MCF2L: variants seen among roughly 807,000 people sequenced by gnomAD.
MCF2L encodes guanine nucleotide exchange factor DBS.
A neutral mutation model predicts 153.4 loss-of-function variants in MCF2L; 97 were observed. The observed-to-expected ratio is 0.63, with a 90% CI of 0.54 to 0.75. MCF2L has a LOEUF of 0.75. MCF2L is among the 30% of genes least tolerant of loss of function. The probability of loss-of-function intolerance (pLI) is 0.00; values close to 1 mark genes in which losing one functional copy is unlikely to be tolerated. For synonymous variants in MCF2L, 659 were observed against 632.2 expected (o/e 1.04, Z -0.64); for missense variants, 1,347 against 1,495.2 (o/e 0.90, Z 1.64).
chr13:112,902,167 C>T (rs2081125544), intron 1 of MCF2L: 1 of 1,581,532 alleles, frequency 6.3e-7, no homozygotes. Flanking sequence ...GCAGCATGAC[C>T]TCATCGTGCT....
chr13:113,061,822 CTTTT>C, intron 5 of MCF2L, among the ~76,000 whole-genome samples: 1 of 34,710 alleles, frequency 2.9e-5, no homozygotes, highest in African/African-American at 1.3e-4. Context: ...CCCTTCCCCT[CTTTT>C]CTCTCCCCTC....
In MCF2L at chr13:113,088,575, C is replaced by G. The variant is rs1202781594; in HGVS notation, c.2781C>G (p.His927Gln). Residue 927 changes from histidine to glutamine, a missense_variant, in exon 25 of 30, where the codon CAC (histidine) becomes CAG (glutamine). Physicochemically the swap from His to Gln is conservative, Grantham distance 24. Around this residue, in one of 3 missense-constraint regions of MCF2L, gnomAD observed 383 missense variants for 335.4 expected, o/e 1.14. Coordinates refer to ENST00000535094, the MANE Select transcript of MCF2L (RefSeq NM_001112732.3). Reference protein sequence around the residue: ...QLQACREASQHRALEQSQSLP... With the variant: ...QLQACREASQQRALEQSQSLP... ...CCCTCCTCGCAGAAGCCAGCCAGCA[C>G]CGGGCGCTGGAGCAGTCACAGAGCC... The G allele has an allele frequency of 3.1e-6, 5 of 1,610,690 alleles. No homozygotes were observed. In the African/African-American group the frequency reaches 4.0e-5, roughly 13 times the overall value.
chr13:113,030,493 C>T (rs948432341), intron 3 of MCF2L, among the ~76,000 whole-genome samples: 1 of 137,282 alleles, frequency 7.3e-6, no homozygotes, highest in Non-Finnish European at 1.5e-5. Flanking sequence ...CGCCGACGCC[C>T]GGTGTGGACT....
intron 2 of MCF2L, among the ~76,000 whole-genome samples, chr13:112,916,959 C>G (rs139206015): frequency 2.0e-4 from 30 of 152,274 alleles, no homozygotes; most frequent in Middle Eastern, 3.4e-3. Flanking sequence ...CCTGCACGCT[C>G]TCCCCACACT....
rs1428393335 is a variant in MCF2L, at chr13:112,951,228, A to G, written c.169+48857A>G. ...CGAATGCTGGCAGGGATGTGGATAA[A>G]CTGGGTTACTCCTAAGTTGCTGGTG... On this transcript the variant is annotated intron_variant, in intron 2 of 29. Transcript: ENST00000375608. The surrounding 1 kb of genome is among the most constrained non-coding windows in gnomAD (Gnocchi z 4.8). Among the ~76,000 whole-genome samples the G allele has an allele frequency of 1.3e-5, 2 of 152,218 alleles. No individual in the cohort carries two copies. The highest frequency in any genetic ancestry group is 2.9e-5 in the Non-Finnish European group (2 of 68,028).
intron 15 of MCF2L, 141 bp from the exon 16 acceptor site, chr13:113,081,072 A>C: frequency 1.5e-6 from 1 of 645,320 alleles, no homozygotes; most frequent in Non-Finnish European, 2.5e-6. Context: ...AGGAGCGTCC[A>C]GCCTGTGGGC....
chr13:113,077,262 C>A, intron 13 of MCF2L, 51 bp downstream of exon 13: 1 of 1,457,712 alleles, frequency 6.9e-7, no homozygotes, highest in South Asian at 1.5e-5. Flanking sequence ...TCGGGGGAGC[C>A]CCGGGCGTTG....
chr13:112,909,460 C>G, intron 2 of MCF2L: 1 of 619,108 alleles, frequency 1.6e-6, no homozygotes. Context: ...CCTGTGCAAA[C>G]GTCTTCGTCA....
chr13:112,916,567 TC>T (rs2081294476), intron 2 of MCF2L, among the ~76,000 whole-genome samples: 1 of 152,250 alleles, frequency 6.6e-6, no homozygotes, highest in African/African-American at 2.4e-5. Context: ...TCCTCTGACT[TC>T]CTTGCACCAG....
chr13:112,942,652 ATCTAG>A (rs2081588012), intron 2 of MCF2L, among the ~76,000 whole-genome samples: 1 of 152,234 alleles, frequency 6.6e-6, no homozygotes, highest in Admixed American at 6.5e-5. Flanking sequence ...TTCTAAGAAA[ATCTAG>A]TCTAGTTTTA....
chr13:113,046,361 G>A lies in MCF2L; in HGVS notation c.369+1000G>A, dbSNP rs947345000. 5.7e-6 allele frequency: 2 copies of A among 352,412 alleles called. No homozygotes were observed. Among genetic ancestry groups the A allele is most frequent in the Non-Finnish European group, 5.5e-6 (1 of 180,902 alleles). 21.8% of individuals were successfully genotyped at this position (352,412 alleles called of 1,614,324 possible). A position where few individuals can be genotyped will look rare whatever the true frequency, so the allele number is the denominator to read the frequency against. The stretch of plus-strand genomic sequence containing the variant: ...CGTCCCTCCCAGGCTCTGGGACCCT[G>A]GGTCCTCAGCTGTGATGGCACAATT... On this transcript the variant is annotated intron_variant, in intron 4 of 29. Transcript: ENST00000535094. The surrounding 1 kb of genome is among the most constrained non-coding windows in gnomAD (Gnocchi z 4.4).
At chr13:113,008,048 C>G (rs1345359095) in intron 1 of MCF2L, among the ~76,000 whole-genome samples, 1 of 151,902 alleles carries the variant, frequency 6.6e-6, no homozygotes, top group Non-Finnish European at 1.5e-5. Flanking sequence ...TCCTGAGTAC[C>G]TGGGACTACA....
chr13:112,901,907 C>T (rs1219692055), intron 1 of MCF2L, among the ~76,000 whole-genome samples: 1 of 152,182 alleles, frequency 6.6e-6, no homozygotes, highest in Non-Finnish European at 1.5e-5. Flanking sequence ...AGGGGAAAAC[C>T]TCGGTTGTTG....
At chr13:112,945,889 C>T (rs2081632135) in intron 2 of MCF2L, among the ~76,000 whole-genome samples, 2 of 152,172 alleles carry the variant, frequency 1.3e-5, no homozygotes, top group East Asian at 3.8e-4. Flanking sequence ...TGGGTTTGTG[C>T]CGTGTACTTT....
At chr13:113,015,256 G>A (rs2084431799) in intron 2 of MCF2L, among the ~76,000 whole-genome samples, 1 of 152,240 alleles carries the variant, frequency 6.6e-6, no homozygotes, top group South Asian at 2.1e-4. Context: ...TGGCACACCT[G>A]TGGAGGTGGT....
intron 1 of MCF2L, among the ~76,000 whole-genome samples, chr13:112,991,282 T>A (rs901413210): frequency 1.5e-5 from 2 of 136,252 alleles, no homozygotes; most frequent in Non-Finnish European, 3.2e-5. Flanking sequence ...GGACCTGATT[T>A]GCTGTGTTTT....
At position 112,907,635 on chromosome 13, in the gene MCF2L, C is replaced by T. The variant is rs57253022; in HGVS notation, c.169+5264C>T. Among the ~76,000 whole-genome samples the T allele has an allele frequency of 0.033, 5,065 of 152,200 alleles. 285 individuals carry two copies. The highest frequency in any genetic ancestry group is 0.11 in the African/African-American group (4,759 of 41,482). Reference sequence around the variant, plus strand: ...GTGCTAGCTGTTGTATGCTGATGGACTGGTTTCTCTTGGCCCACAGAAAAT... The same window carrying T: ...GTGCTAGCTGTTGTATGCTGATGGATTGGTTTCTCTTGGCCCACAGAAAAT... On this transcript the variant is annotated intron_variant, in intron 2 of 29. Transcript: ENST00000375608. The surrounding 1 kb of genome is among the most constrained non-coding windows in gnomAD (Gnocchi z 5.1).
chr13:113,005,323 C>T (rs900392718), intron 1 of MCF2L, among the ~76,000 whole-genome samples: 10 of 152,304 alleles, frequency 6.6e-5, no homozygotes, highest in African/African-American at 1.2e-4. Flanking sequence ...CCGACAAGCA[C>T]GGTGGCTACT....
intron 1 of MCF2L, among the ~76,000 whole-genome samples, chr13:112,970,158 G>A (rs538833018): frequency 2.6e-5 from 4 of 152,210 alleles, no homozygotes; most frequent in Non-Finnish European, 5.9e-5. Flanking sequence ...TCCTTAACTC[G>A]TTTTCCTTGA....
Sources: allele counts gnomAD v4.1 joint callset (sites outside exome capture counted in the v4.1 genomes callset), GRCh38; gene constraint gnomAD v4.1.1; regional missense constraint gnomAD v4.1.1; non-coding constraint Gnocchi (gnomAD v3.1); transcripts MANE v1.5; gene names NCBI Gene and HGNC (gene_info 2026-07-23, HGNC 2026-07-21).